EAF2: variants seen among roughly 807,000 people sequenced by gnomAD.
EAF2 encodes the protein ELL associated factor 2.
A neutral mutation model predicts 29.4 loss-of-function variants in EAF2; 29 were observed. The observed-to-expected ratio is 0.99, with a 90% confidence interval of 0.73 to 1.35. The LOEUF is 1.35. Among genes scored for constraint, EAF2 ranks in the 40% most tolerant of loss-of-function variants. The pLI is 0.00. For missense variants in EAF2, 292 were observed against 312.0 expected (o/e 0.94, Z 0.48); for synonymous variants, 103 against 102.5 (o/e 1.00, Z -0.03).
chr3:121,845,874 A>C (rs1708521337), intron 2 of EAF2, among the ~76,000 whole-genome samples: 1 of 152,190 alleles, frequency 6.6e-6, no homozygotes, highest in South Asian at 2.1e-4. Flanking sequence ...TTCGCATACA[A>C]ATATAAGTTC....
intron 1 of EAF2, among the ~76,000 whole-genome samples, chr3:121,837,259 G>T (rs903304729): frequency 6.6e-6 from 1 of 152,136 alleles, no homozygotes; most frequent in Non-Finnish European, 1.5e-5. Flanking sequence ...CTTGAGGACA[G>T]GTTCATTTCC....
Position 121,859,151 on chromosome 3 carries a change from G to A in EAF2, c.484+1995G>A, listed in dbSNP as rs181148285. 8.5e-5 allele frequency among the ~76,000 whole-genome samples: 13 copies of A among 152,198 alleles called. No individual in the cohort carries two copies. The East Asian group carries it at 1.5e-3, about 18-fold the overall frequency. On this transcript the variant is annotated intron_variant, in intron 4 of 5. Coordinates refer to ENST00000273668, the MANE Select transcript of EAF2 (RefSeq NM_018456.6). ...TGGCTTAGGATTGTCTTGGCAATGC[G>A]GGCTGTTTTTTGTGTCTGTATGACT... is the stretch of plus-strand genomic sequence containing the variant.
At chr3:121,886,268 G>A in intron 5 of EAF2, 74 bp from the exon 6 acceptor site, 1 of 996,092 alleles carries the variant, frequency 1.0e-6, no homozygotes, top group South Asian at 2.3e-5. Context: ...TATATTTTGT[G>A]TAAAATTTGT....
intron 4 of EAF2, among the ~76,000 whole-genome samples, chr3:121,863,846 T>A (rs1245415046): frequency 6.6e-6 from 1 of 152,160 alleles, no homozygotes; most frequent in Non-Finnish European, 1.5e-5. Flanking sequence ...TGTATCATTT[T>A]AAATTACTAT....
At chr3:121,882,505 C>A (rs1347932670) in intron 5 of EAF2, among the ~76,000 whole-genome samples, 1 of 151,872 alleles carries the variant, frequency 6.6e-6, no homozygotes, top group African/African-American at 2.4e-5. Context: ...AATTCAGGAA[C>A]AAGACAAAGA....
At chr3:121,886,223 CA>C in intron 5 of EAF2, 118 bp from the exon 6 acceptor site, 1 of 488,450 alleles carries the variant, frequency 2.0e-6, no homozygotes, top group Non-Finnish European at 3.4e-6. Context: ...ACAGAATAAG[CA>C]AAATACTAGG....
intron 3 of EAF2, among the ~76,000 whole-genome samples, chr3:121,856,381 A>G (rs1249383154): frequency 6.8e-6 from 1 of 146,214 alleles, no homozygotes; most frequent in Non-Finnish European, 1.5e-5. Flanking sequence ...GTCTCGTTAT[A>G]TTGCCCAGGC....
chr3:121,860,477 C>T lies in EAF2; in HGVS notation c.484+3321C>T, dbSNP rs1448947644. On this transcript the variant is annotated intron_variant, in intron 4 of 5. Transcript: ENST00000273668. ...TGCATAGAGGTGTTTATAGTATTCT[C>T]TGATGGTAGTTTGTATTTCTGTGGG... Among the ~76,000 whole-genome samples, 3 of 152,290 alleles carry T rather than the reference C, an allele frequency of 2.0e-5. No individual in the cohort carries two copies. The East Asian group carries it at 5.8e-4, about 29-fold the overall frequency.
intron 5 of EAF2, chr3:121,873,234 A>C (rs1709047857): frequency 2.0e-6 from 1 of 510,496 alleles, no homozygotes; most frequent in African/African-American, 2.0e-5. Flanking sequence ...TCATCTCATC[A>C]CCTTCAAATT....
At chr3:121,835,558 G>A (rs1264356515) in intron 1 of EAF2, among the ~76,000 whole-genome samples, 167 bp downstream of exon 1, 1 of 152,170 alleles carries the variant, frequency 6.6e-6, no homozygotes, top group Non-Finnish European at 1.5e-5. Flanking sequence ...AGTCTTAGGG[G>A]GTCGGTGGAA....
At chr3:121,868,597 C>CA (rs1316437262) in intron 4 of EAF2, among the ~76,000 whole-genome samples, 4 of 151,650 alleles carry the variant, frequency 2.6e-5, no homozygotes, top group African/African-American at 9.7e-5. Context: ...GACTCCATCT[C>CA]AAAAATAAAT....
chr3:121,857,259 C>T (rs916262930), intron 4 of EAF2, 103 bp downstream of exon 4: 13 of 963,366 alleles, frequency 1.3e-5, no homozygotes, highest in East Asian at 5.5e-5. Flanking sequence ...TTTAGGAGGC[C>T]GAGGCAGGCG....
intron 4 of EAF2, among the ~76,000 whole-genome samples, chr3:121,859,113 G>A (rs6794015): frequency 0.11 from 16,431 of 152,072 alleles, 1,147 homozygotes; most frequent in South Asian, 0.23. Context: ...TGATGCCTCC[G>A]GCTTTGTTCT....
chr3:121,839,648 T>G (rs1708368477), intron 1 of EAF2, among the ~76,000 whole-genome samples: 1 of 152,120 alleles, frequency 6.6e-6, no homozygotes, highest in Non-Finnish European at 1.5e-5. Context: ...AGTTTTGAAG[T>G]AGAGATGAAT....
At chr3:121,886,080 A>T (rs2107555041) in intron 5 of EAF2, among the ~76,000 whole-genome samples, 1 of 152,210 alleles carries the variant, frequency 6.6e-6, no homozygotes, top group African/African-American at 2.4e-5. Flanking sequence ...CAGTGATATA[A>T]AAAAAAGAGT....
intron 5 of EAF2, among the ~76,000 whole-genome samples, chr3:121,879,618 TTC>T (rs1392443908): frequency 2.6e-4 from 9 of 34,412 alleles, no homozygotes; most frequent in South Asian, 1.8e-3. Flanking sequence ...CTTTCTTTCT[TTC>T]TTTTTTTTTT....
intron 4 of EAF2, among the ~76,000 whole-genome samples, chr3:121,867,809 CT>C (rs1708951126): frequency 6.6e-6 from 1 of 152,100 alleles, no homozygotes; most frequent in African/African-American, 2.4e-5. Flanking sequence ...ATGATAATAC[CT>C]TCTGATTCCC....
At chr3:121,854,583 G>C in intron 2 of EAF2, 104 bp from the exon 3 acceptor site, 1 of 948,566 alleles carries the variant, frequency 1.1e-6, no homozygotes, top group Non-Finnish European at 1.5e-6. Context: ...TGGGTGACTT[G>C]AAGTATAACA....
intron 4 of EAF2, among the ~76,000 whole-genome samples, chr3:121,860,682 C>T (rs1274325142): frequency 6.6e-6 from 1 of 152,056 alleles, no homozygotes; most frequent in African/African-American, 2.4e-5. Flanking sequence ...CAGTTCTCCT[C>T]TGATCTTAGT....
Sources: gnomAD v4.1 joint callset for allele counts (sites outside exome capture counted in the v4.1 genomes callset) on GRCh38, gnomAD v4.1.1 for gene constraint, MANE v1.5 for transcripts, NCBI Gene and HGNC (gene_info 2026-07-23, HGNC 2026-07-21) for gene names.